Variants in SOX5 observed in about 807,000 individuals in gnomAD.
SOX5 encodes the protein transcription factor SOX-5.
In SOX5, 9 loss-of-function variants were observed where a neutral mutation model predicts 92.0. The ratio of observed to expected loss-of-function variants is 0.10; its 90% CI spans 0.06 to 0.17. SOX5 has a LOEUF of 0.17. Ranked by LOEUF, SOX5 falls within the 10% of genes least tolerant of loss-of-function variation. The pLI, the probability that SOX5 is intolerant of heterozygous loss-of-function variation, is 1.00. For missense variants in SOX5, 642 were observed against 944.5 expected, an observed-to-expected ratio of 0.68 and a Z score of 4.20; for synonymous variants, 344 against 336.3, an observed-to-expected ratio of 1.02 and a Z score of -0.25.
intron 4 of SOX5, among the ~76,000 whole-genome samples, chr12:24,111,421 C>T (rs1331867342): frequency 1.3e-5 from 2 of 152,030 alleles, no homozygotes; most frequent in Non-Finnish European, 1.5e-5. Context: ...AAAACAATTA[C>T]CAAAAAGTCA....
chr12:23,780,094 C>T (rs1208142807), intron 3 of SOX5, among the ~76,000 whole-genome samples: 1 of 150,868 alleles, frequency 6.6e-6, no homozygotes, highest in African/African-American at 2.4e-5. Context: ...AGTTTTTATT[C>T]TAATAAAGAT....
At chr12:23,566,444 C>T (rs1354230888) in intron 10 of SOX5, among the ~76,000 whole-genome samples, 1 of 152,128 alleles carries the variant, frequency 6.6e-6, no homozygotes, top group African/African-American at 2.4e-5. Flanking sequence ...CAGCATTGAC[C>T]ATCCTCTCTT....
chr12:24,490,224 A>G (rs1179011660), intron 1 of SOX5, among the ~76,000 whole-genome samples: 3 of 152,252 alleles, frequency 2.0e-5, no homozygotes, highest in Non-Finnish European at 4.4e-5. Flanking sequence ...GCAGAGCAAG[A>G]AAAGTATCCA....
intron 1 of SOX5, among the ~76,000 whole-genome samples, chr12:24,541,802 A>C (rs1952153778): frequency 6.6e-6 from 1 of 152,226 alleles, no homozygotes; most frequent in Non-Finnish European, 1.5e-5. Context: ...GTAAGAGTAT[A>C]GTATAGAAAA....
intron 1 of SOX5, among the ~76,000 whole-genome samples, chr12:24,463,633 T>C (rs1312231258): frequency 6.6e-6 from 1 of 152,212 alleles, no homozygotes; most frequent in African/African-American, 2.4e-5. Context: ...AGGAAGCAGA[T>C]GCGATCTACG....
In SOX5 at chr12:23,533,318, TCTC is replaced by T. The variant is rs1939486144; in HGVS notation, c.*898_*900del. The T allele has an allele frequency of 5.6e-6, 2 of 358,358 alleles. No homozygotes were observed. Among genetic ancestry groups the T allele is most frequent in the South Asian group, 4.2e-5 (2 of 48,058 alleles). The allele number at this position is 358,358 out of a possible 1,614,324, so 22.2% of individuals were successfully genotyped here. Reference sequence around the variant, plus strand: ...AATTTCTTATGTCTCTCTCTCTCTCTCTCTTTTCACCTGAGAACAGCACCTACA... The same window carrying T: ...AATTTCTTATGTCTCTCTCTCTCTCTTTTTCACCTGAGAACAGCACCTACA... On this transcript the variant is annotated 3_prime_UTR_variant, in exon 15 of 15. Coordinates refer to ENST00000451604, the MANE Select transcript of SOX5 (RefSeq NM_006940.6).
intron 2 of SOX5, among the ~76,000 whole-genome samples, chr12:24,306,674 CT>C (rs1215963874): frequency 6.6e-6 from 1 of 152,150 alleles, no homozygotes; most frequent in Non-Finnish European, 1.5e-5. Flanking sequence ...GCATTTTCCT[CT>C]CACATCCAAG....
In SOX5 at chr12:24,072,154, CA is replaced by C. The variant is rs1489333765; in HGVS notation, c.-2+141188del. Among the ~76,000 whole-genome samples the C allele has an allele frequency of 2.0e-5, 3 of 152,140 alleles. No individual in the cohort carries two copies. The East Asian group carries it at 5.8e-4, about 29-fold the overall frequency. On this transcript the variant is annotated intron_variant, in intron 4 of 4. Transcript: ENST00000446891. ...TTGCAATTGAATTTGATAAGTTTAT[CA>C]ACACTTCAAATAGCTGTGACAACTA... is the stretch of plus-strand genomic sequence containing the variant.
At chr12:24,145,804 C>G (rs1416695819) in intron 4 of SOX5, among the ~76,000 whole-genome samples, 1 of 152,120 alleles carries the variant, frequency 6.6e-6, no homozygotes, top group Non-Finnish European at 1.5e-5. Flanking sequence ...CCACATGTGG[C>G]CAATACCATT....
rs549199651 is a variant in SOX5, at chr12:23,533,308, T to C, written c.*911A>G. On this transcript the variant is annotated 3_prime_UTR_variant, in exon 15 of 15. Transcript: ENST00000451604. ...TTTTTCTCTAAATTTCTTATGTCTC[T>C]CTCTCTCTCTCTCTTTTCACCTGAG... The C allele has an allele frequency of 1.1e-3, 383 of 363,786 alleles. No homozygotes were observed. Among genetic ancestry groups the C allele is most frequent in the Non-Finnish European group, 1.7e-3 (292 of 172,650 alleles). The allele number at this position is 363,786 out of a possible 1,614,324, so 22.5% of individuals were successfully genotyped here. A position where few individuals can be genotyped will look rare whatever the true frequency, so the allele number is the denominator to read the frequency against.
intron 5 of SOX5, among the ~76,000 whole-genome samples, chr12:23,739,631 T>C (rs1328856502): frequency 1.3e-5 from 2 of 151,566 alleles, no homozygotes; most frequent in African/African-American, 4.9e-5. Flanking sequence ...AGCCAGTATC[T>C]CCCAAAGATC....
At chr12:24,552,900 C>A (rs1397919172) in intron 1 of SOX5, among the ~76,000 whole-genome samples, 6 of 152,010 alleles carry the variant, frequency 3.9e-5, no homozygotes, top group Admixed American at 3.9e-4. Context: ...GGCATGCTGG[C>A]GCATGCCTGT....
chr12:24,225,805 A>T (rs1291064997), intron 3 of SOX5, among the ~76,000 whole-genome samples: 1 of 152,242 alleles, frequency 6.6e-6, no homozygotes, highest in African/African-American at 2.4e-5. Flanking sequence ...TATATAAGAA[A>T]TCACATCACT....
intron 4 of SOX5, among the ~76,000 whole-genome samples, chr12:24,172,416 G>A (rs988695025): frequency 1.3e-5 from 2 of 152,110 alleles, no homozygotes; most frequent in Non-Finnish European, 2.9e-5. Context: ...GTGCATGCCT[G>A]TGGTTCCAGC....
intron 4 of SOX5, among the ~76,000 whole-genome samples, chr12:24,095,021 T>C (rs548614618): frequency 2.3e-4 from 35 of 152,098 alleles, no homozygotes; most frequent in Non-Finnish European, 3.7e-4. Flanking sequence ...AAATGATTGG[T>C]AATTGTCTTG....
intron 3 of SOX5, among the ~76,000 whole-genome samples, chr12:23,777,746 C>T (rs1216655845): frequency 6.6e-5 from 10 of 151,176 alleles, no homozygotes; most frequent in Non-Finnish European, 1.2e-4. Context: ...CAACTATGCT[C>T]ATTTGAAAAA....
At chr12:23,980,290 G>T (rs768921249) in intron 4 of SOX5, among the ~76,000 whole-genome samples, 3 of 152,080 alleles carry the variant, frequency 2.0e-5, no homozygotes, top group Non-Finnish European at 2.9e-5. Context: ...AATATAAAGT[G>T]CAGGTAAGTA....
chr12:24,331,611 A>G (rs1951308125), intron 2 of SOX5, among the ~76,000 whole-genome samples: 1 of 152,132 alleles, frequency 6.6e-6, no homozygotes, highest in African/African-American at 2.4e-5. Context: ...GCACTTTGGG[A>G]GGCCAAGGTG....
intron 6 of SOX5, among the ~76,000 whole-genome samples, chr12:23,691,811 C>T (rs899979746): frequency 2.6e-5 from 4 of 151,954 alleles, no homozygotes; most frequent in African/African-American, 9.7e-5. Context: ...TAAAAAATAT[C>T]CTTTGGCTCC....
Sources: gnomAD v4.1 joint callset for allele counts (sites outside exome capture counted in the v4.1 genomes callset) on GRCh38, gnomAD v4.1.1 for gene constraint, MANE v1.5 for transcripts, NCBI Gene and HGNC (gene_info 2026-07-23, HGNC 2026-07-21) for gene names.